ANKRD26: variants seen among roughly 807,000 people sequenced by gnomAD.
The protein encoded by ANKRD26 is ankyrin repeat domain 26, also known as ankyrin repeat domain-containing protein 26.
Under a neutral mutation model 208.7 loss-of-function variants are expected in ANKRD26, and 141 were observed. The observed-to-expected ratio is 0.68, with a 90% CI of 0.59 to 0.78. The LOEUF (loss-of-function observed/expected upper bound fraction) is 0.78. ANKRD26 is among the 30% of genes least tolerant of loss of function. The pLI is 0.00. For missense variants in ANKRD26, 1,889 were observed against 1,938.7 expected (o/e 0.97, Z 0.48); for synonymous variants, 636 against 660.4 (o/e 0.96, Z 0.57).
intron 12 of ANKRD26, chr10:27,062,301 G>C: frequency 1.3e-6 from 1 of 749,906 alleles, no homozygotes; most frequent in East Asian, 1.3e-4. Flanking sequence ...GAAAAATAAT[G>C]CTTTATTCTG....
In ANKRD26 at chr10:27,005,166, T is replaced by C; in HGVS notation, c.*424A>G. The C allele has an allele frequency of 2.0e-6, 2 of 986,648 alleles. No homozygotes were observed. The highest frequency in any genetic ancestry group is 2.4e-6 in the Non-Finnish European group (2 of 830,818). The allele number at this position is 986,648 out of a possible 1,614,324, so 61.1% of individuals were successfully genotyped here. A position where few individuals can be genotyped will look rare whatever the true frequency, so the allele number is the denominator to read the frequency against. ...TGCTTAAAATTAAAATTATGTAAAT[T>C]TGATGGCACTGTAACAATTGTAATA... On this transcript the variant is annotated 3_prime_UTR_variant, in exon 34 of 34. Coordinates refer to ENST00000376087, the MANE Select transcript of ANKRD26 (RefSeq NM_014915.3).
Position 26,994,367 on chromosome 10 carries a change from C to A in ANKRD26, c.*29+674G>T, listed in dbSNP as rs117973020. Among the ~76,000 whole-genome samples the A allele has an allele frequency of 4.6e-3, 694 of 152,284 alleles. 3 individuals are homozygous for A. The highest frequency in any genetic ancestry group is 0.017 in the Middle Eastern group (5 of 294). ...AATAATATTGTTTACACCAGGATAT[C>A]ATTTTCTCTGGATTCCAATGGGTCT... On this transcript the variant is annotated intron_variant, in intron 5 of 5. Transcript: ENST00000445828.
chr10:27,086,084 C>T (rs1197607858), intron 5 of ANKRD26, among the ~76,000 whole-genome samples: 1 of 152,092 alleles, frequency 6.6e-6, no homozygotes, highest in African/African-American at 2.4e-5. Flanking sequence ...AGATTTTCAG[C>T]TGCACAGGGA....
chr10:26,972,228 C>A (rs2052160427), downstream of ANKRD26, among the ~76,000 whole-genome samples: 3 of 146,956 alleles, frequency 2.0e-5, no homozygotes, highest in South Asian at 6.4e-4. Context: ...GAGCGAGACT[C>A]CGTCTCAAAA....
Position 27,013,178 on chromosome 10 carries a change from C to G in ANKRD26, c.4725-68G>C, listed in dbSNP as rs192078298. 3.1e-4 allele frequency: 439 copies of G among 1,414,754 alleles called. 1 individual carries two copies. Among genetic ancestry groups the G allele is most frequent in the Non-Finnish European group, 5.0e-5 (51 of 1,015,744 alleles). 87.6% of individuals were successfully genotyped at this position (1,414,754 alleles called of 1,614,324 possible). A position where few individuals can be genotyped will look rare whatever the true frequency, so the allele number is the denominator to read the frequency against. ...CCCTAAATGATTCCTAAAAGACTTG[C>G]AATTTTTAAAAAGTTACCATAGGAG... On this transcript the variant is annotated intron_variant, in intron 31 of 33. Coordinates refer to ENST00000376087, the MANE Select transcript of ANKRD26 (RefSeq NM_014915.3).
Position 27,067,159 on chromosome 10 carries a change from C to T in ANKRD26, c.1205G>A (p.Ser402Asn), listed in dbSNP as rs757669453. ...YVDEVHKNNR[S>N]DMMSALGLGQ... The stretch of plus-strand genomic sequence containing the variant: ...TTCAGAGATATCCACTAACTTACCA[C>T]TTCTATTATTTTTGTGCACTTCATC... The change falls in exon 10 of 34, where the codon AGT (serine) becomes AAT (asparagine). Residue 402 changes from serine (S) to asparagine (N), a missense_variant and splice_region_variant. By Grantham distance (46) the Ser-to-Asn change is conservative. Transcript: ENST00000376087. 1 of 1,613,210 alleles carries T rather than the reference C, an allele frequency of 6.2e-7. No homozygotes were observed. The highest frequency in any genetic ancestry group is 2.2e-5 in the East Asian group (1 of 44,862).
the ANKRD26 span, among the ~76,000 whole-genome samples, chr10:26,948,910 G>A: frequency 6.6e-6 from 1 of 152,090 alleles, no homozygotes; most frequent in African/African-American, 2.4e-5. Flanking sequence ...CAGGAGAATC[G>A]CTTGAACCCG....
Position 27,079,116 on chromosome 10 carries a change from A to G in ANKRD26, c.786T>C (p.Asp262=). 3 of 1,613,920 alleles carry G rather than the reference A, an allele frequency of 1.9e-6. No homozygotes were observed. Among genetic ancestry groups the G allele is most frequent in the Non-Finnish European group, 2.5e-6 (3 of 1,179,848 alleles). Residue 262 remains aspartate (D), a synonymous_variant, in exon 7 of 34, where the codon GAT becomes GAC. Coordinates refer to ENST00000376087, the MANE Select transcript of ANKRD26 (RefSeq NM_014915.3). The stretch of plus-strand genomic sequence containing the variant: ...TAGTATCAAAATTGAGGTCTTCGTC[A>G]TCTGAGGTAGGCCATGAATCATCAA... ...PGVDDSWPTS[D]DEDLNFDTKN...
At chr10:27,043,099 T>C (rs1403454081) in intron 20 of ANKRD26, among the ~76,000 whole-genome samples, 1 of 148,572 alleles carries the variant, frequency 6.7e-6, no homozygotes, top group Non-Finnish European at 1.5e-5. Flanking sequence ...TTGGACTTCA[T>C]CAAAATTAAA....
intron 7 of ANKRD26, among the ~76,000 whole-genome samples, 166 bp from the exon 8 acceptor site, chr10:27,077,859 C>G (rs1176579498): frequency 6.6e-6 from 1 of 152,148 alleles, no homozygotes; most frequent in African/African-American, 2.4e-5. Context: ...TTTGCTACAT[C>G]TTCTCATGGG....
At chr10:27,099,665 G>C (rs1430956629) in intron 1 of ANKRD26, among the ~76,000 whole-genome samples, 1 of 152,178 alleles carries the variant, frequency 6.6e-6, no homozygotes, top group African/African-American at 2.4e-5. Context: ...ACAGGCGCGA[G>C]CCACCGCGCC....
chr10:27,042,798 C>CAAAAAAAAAAAAAAAAAAAAAAAAAAA (rs60850386), intron 20 of ANKRD26, among the ~76,000 whole-genome samples: 3 of 48,942 alleles, frequency 6.1e-5, no homozygotes, highest in Non-Finnish European at 8.7e-5. Context: ...CAAAAAAATA[C>CAAAAAAAAAAAAAAAAAAAAAAAAAAA]AAAAAAAAAA....
At chr10:27,078,608 T>A (rs1364000742) in intron 7 of ANKRD26, among the ~76,000 whole-genome samples, 14 of 152,158 alleles carry the variant, frequency 9.2e-5, no homozygotes, top group Admixed American at 3.3e-4. Flanking sequence ...ACCAGTTTTT[T>A]AAAAAATACT....
the ANKRD26 span, among the ~76,000 whole-genome samples, chr10:26,958,075 A>T: frequency 8.8e-5 from 13 of 147,128 alleles, no homozygotes; most frequent in Admixed American, 4.1e-4. Flanking sequence ...ACCCAGTTTT[A>T]TATATATATA....
At chr10:27,022,431 T>G in intron 29 of ANKRD26, 127 bp downstream of exon 29, 1 of 715,998 alleles carries the variant, frequency 1.4e-6, no homozygotes, top group East Asian at 3.3e-5. Flanking sequence ...TAAAAAAAGT[T>G]TTTTTATTAG....
chr10:27,043,992 C>A (rs1296545916), intron 19 of ANKRD26, among the ~76,000 whole-genome samples, 165 bp downstream of exon 19: 1 of 152,038 alleles, frequency 6.6e-6, no homozygotes, highest in Admixed American at 6.6e-5. Flanking sequence ...AGGGCTCCCA[C>A]CATGTTGCCT....
At chr10:27,054,050 G>A (rs569575174) in intron 15 of ANKRD26, among the ~76,000 whole-genome samples, 2 of 151,878 alleles carry the variant, frequency 1.3e-5, no homozygotes, top group East Asian at 1.9e-4. Flanking sequence ...AGTCTTCCTC[G>A]ATTAGAGCTA....
At chr10:27,076,213 A>G (rs1015986571) in intron 9 of ANKRD26, among the ~76,000 whole-genome samples, 8 of 152,080 alleles carry the variant, frequency 5.3e-5, no homozygotes, top group African/African-American at 1.7e-4. Flanking sequence ...TTATAACCAA[A>G]AACACAATAT....
chr10:27,086,651 A>G (rs2056126205), intron 4 of ANKRD26, 42 bp from the exon 5 acceptor site: 3 of 1,567,180 alleles, frequency 1.9e-6, no homozygotes, highest in Non-Finnish European at 1.7e-6. Context: ...TAATACTGAT[A>G]CAAAAAATAT....
Sources: allele counts gnomAD v4.1 joint callset (sites outside exome capture counted in the v4.1 genomes callset), GRCh38; gene constraint gnomAD v4.1.1; transcripts MANE v1.5; gene names NCBI Gene and HGNC (gene_info 2026-07-23, HGNC 2026-07-21).